Variants in GRIA1 observed in about 807,000 individuals in gnomAD.
The protein encoded by GRIA1 is glutamate receptor 1.
In GRIA1, 31 loss-of-function variants were observed where a neutral mutation model predicts 99.2. The observed-to-expected ratio is 0.31, with a 90% confidence interval of 0.23 to 0.42. GRIA1 has a LOEUF of 0.42. GRIA1 is among the 10% of genes least tolerant of loss of function. The pLI is 1.00. For synonymous variants in GRIA1, 438 were observed against 432.4 expected (o/e 1.01, Z -0.16); for missense variants, 782 against 1,157.5 (o/e 0.68, Z 4.71).
At chr5:153,631,058 G>C (rs1421792039) in intron 2 of GRIA1, among the ~76,000 whole-genome samples, 1 of 152,150 alleles carries the variant, frequency 6.6e-6, no homozygotes, top group Non-Finnish European at 1.5e-5. Flanking sequence ...CCACTCTCTT[G>C]TTTACTCTTT....
intron 11 of GRIA1, among the ~76,000 whole-genome samples, chr5:153,747,567 A>T (rs1403493033): frequency 6.6e-6 from 1 of 152,222 alleles, no homozygotes; most frequent in Admixed American, 6.5e-5. Context: ...TGGTTCTCAG[A>T]GAACAGTGGC....
intron 2 of GRIA1, among the ~76,000 whole-genome samples, chr5:153,604,003 A>G (rs1344543048): frequency 6.6e-6 from 1 of 152,160 alleles, no homozygotes; most frequent in Admixed American, 6.5e-5. Flanking sequence ...TACATTTATG[A>G]TCTAGTTTAT....
intron 11 of GRIA1, among the ~76,000 whole-genome samples, chr5:153,717,519 T>C (rs1759751315): frequency 3.9e-5 from 1 of 25,700 alleles, no homozygotes; most frequent in Middle Eastern, 0.018. Context: ...TCAAGATCCT[T>C]CCTAGGTATT....
intron 11 of GRIA1, among the ~76,000 whole-genome samples, chr5:153,727,096 A>G (rs1255341838): frequency 6.6e-6 from 1 of 152,142 alleles, no homozygotes; most frequent in Non-Finnish European, 1.5e-5. Context: ...GCAAATCACT[A>G]AATGTAATCC....
intron 2 of GRIA1, among the ~76,000 whole-genome samples, chr5:153,618,383 G>A (rs975151056): frequency 6.6e-6 from 1 of 152,176 alleles, no homozygotes; most frequent in Non-Finnish European, 1.5e-5. Flanking sequence ...GCACCCTGCA[G>A]GCAAATGCAT....
chr5:153,625,144 T>C (rs1416216593), intron 2 of GRIA1, among the ~76,000 whole-genome samples: 1 of 152,202 alleles, frequency 6.6e-6, no homozygotes, highest in East Asian at 1.9e-4. Flanking sequence ...AGCTTAGCTG[T>C]GTGCTCTCGT....
At chr5:153,597,442 G>T (rs1764527237) in intron 2 of GRIA1, among the ~76,000 whole-genome samples, 2 of 152,122 alleles carry the variant, frequency 1.3e-5, no homozygotes, top group African/African-American at 4.8e-5. Context: ...GACTGCCAGG[G>T]TTTGTATTCT....
chr5:153,657,895 A>G (rs1482616609), intron 5 of GRIA1, among the ~76,000 whole-genome samples: 1 of 152,202 alleles, frequency 6.6e-6, no homozygotes, highest in East Asian at 1.9e-4. Flanking sequence ...GGGAACGAAG[A>G]GTCTCACCCT....
intron 10 of GRIA1, among the ~76,000 whole-genome samples, chr5:153,705,189 A>C (rs758655208): frequency 2.6e-5 from 4 of 152,186 alleles, no homozygotes; most frequent in African/African-American, 4.8e-5. Context: ...CATCCTCTGC[A>C]TCTCTCAGGA....
intron 11 of GRIA1, among the ~76,000 whole-genome samples, chr5:153,717,050 T>C (rs1384941635): frequency 6.6e-6 from 1 of 152,174 alleles, no homozygotes; most frequent in Admixed American, 6.5e-5. Context: ...ATGGTTGTGC[T>C]ACGACCTAGA....
intron 8 of GRIA1, among the ~76,000 whole-genome samples, chr5:153,695,719 C>T (rs545374738): frequency 1.3e-5 from 2 of 152,352 alleles, no homozygotes; most frequent in Non-Finnish European, 2.9e-5. Context: ...TCTCCTTCCA[C>T]CTTGACTAAC....
intron 2 of GRIA1, among the ~76,000 whole-genome samples, chr5:153,533,568 A>G (rs1220135143): frequency 6.6e-6 from 1 of 152,200 alleles, no homozygotes; most frequent in African/African-American, 2.4e-5. Context: ...CTTGTGTCTC[A>G]GCTTCAGAGA....
At chr5:153,632,837 T>A (rs907800389) in intron 2 of GRIA1, among the ~76,000 whole-genome samples, 1 of 152,156 alleles carries the variant, frequency 6.6e-6, no homozygotes, top group Non-Finnish European at 1.5e-5. Flanking sequence ...AATTATAGAA[T>A]ATCAAGATAC....
chr5:153,530,457 G>T (rs770005127), intron 2 of GRIA1, among the ~76,000 whole-genome samples: 10 of 152,180 alleles, frequency 6.6e-5, no homozygotes, highest in Non-Finnish European at 1.2e-4. Context: ...CCCTGCATGG[G>T]TTCATCTTTT....
At chr5:153,727,736 T>A (rs1367190081) in intron 11 of GRIA1, among the ~76,000 whole-genome samples, 1 of 151,718 alleles carries the variant, frequency 6.6e-6, no homozygotes, top group Admixed American at 6.6e-5. Flanking sequence ...ATAAAAGAGG[T>A]TACAAAGAAA....
chr5:153,725,430 C>T (rs896049879), intron 11 of GRIA1, among the ~76,000 whole-genome samples: 4 of 142,446 alleles, frequency 2.8e-5, no homozygotes, highest in African/African-American at 1.1e-4. Context: ...ACTAAATGCT[C>T]CAATTAAAAG....
At chr5:153,700,038 G>A (rs534242632) in intron 10 of GRIA1, among the ~76,000 whole-genome samples, 1 of 152,348 alleles carries the variant, frequency 6.6e-6, no homozygotes, top group South Asian at 2.1e-4. Flanking sequence ...GGGCTAACTA[G>A]AGTTTGTCTA....
chr5:153,799,088 C>A (rs868863207), intron 14 of GRIA1, among the ~76,000 whole-genome samples: 3 of 152,120 alleles, frequency 2.0e-5, no homozygotes, highest in African/African-American at 4.8e-5. Flanking sequence ...TCCACCCCCC[C>A]CTGACAAGCT....
intron 4 of GRIA1, among the ~76,000 whole-genome samples, chr5:153,651,822 T>C (rs1043247904): frequency 4.6e-5 from 7 of 152,228 alleles, no homozygotes; most frequent in African/African-American, 1.7e-4. Context: ...GTCAGGGATT[T>C]GAATTGCAGT....
Sources: gnomAD v4.1 joint callset for allele counts (sites outside exome capture counted in the v4.1 genomes callset) on GRCh38, gnomAD v4.1.1 for gene constraint, MANE v1.5 for transcripts, NCBI Gene and HGNC (gene_info 2026-07-23, HGNC 2026-07-21) for gene names.